The following ATF2 variants were observed in gnomAD, a reference collection of about 807,000 sequenced individuals.
The protein encoded by ATF2 is activating transcription factor 2, also known as cyclic AMP-dependent transcription factor ATF-2.
In ATF2, 24 loss-of-function variants were observed where a neutral mutation model predicts 60.6. The observed-to-expected ratio is 0.40, with a 90% CI of 0.29 to 0.56. The LOEUF is 0.56. Ranked by LOEUF, ATF2 falls within the 20% of genes least tolerant of loss-of-function variation. The pLI is 0.54. For missense variants in ATF2, 433 were observed against 607.7 expected (o/e 0.71, Z 3.02); for synonymous variants, 206 against 215.4 (o/e 0.96, Z 0.38).
chr2:175,119,733 TTAGTA>T (rs758836201), intron 5 of ATF2, among the ~76,000 whole-genome samples: 30 of 151,672 alleles, frequency 2.0e-4, no homozygotes, highest in Admixed American at 9.2e-4. Context: ...CATGACTAAA[TTAGTA>T]GGTCAAATCT....
intron 4 of ATF2, among the ~76,000 whole-genome samples, chr2:175,121,745 C>A (rs1211789045): frequency 1.3e-5 from 2 of 150,564 alleles, no homozygotes; most frequent in Admixed American, 6.7e-5. Context: ...CAAGAATAAG[C>A]AATACTGATA....
At chr2:175,101,257 A>T (rs1050581493) in intron 10 of ATF2, among the ~76,000 whole-genome samples, 1 of 152,194 alleles carries the variant, frequency 6.6e-6, no homozygotes, top group Non-Finnish European at 1.5e-5. Context: ...CCAGATAGGA[A>T]TACTTAGAAA....
chr2:175,133,269 T>G (rs1241846490), intron 3 of ATF2, among the ~76,000 whole-genome samples: 1 of 152,086 alleles, frequency 6.6e-6, no homozygotes, highest in African/African-American at 2.4e-5. Flanking sequence ...TTACAATAAT[T>G]AAGACACTGT....
chr2:175,149,497 C>T (rs562071530), intron 2 of ATF2, among the ~76,000 whole-genome samples: 1 of 152,284 alleles, frequency 6.6e-6, no homozygotes, highest in Non-Finnish European at 1.5e-5. Flanking sequence ...AGATGGGCAG[C>T]ACACTATGCA....
intron 13 of ATF2, among the ~76,000 whole-genome samples, chr2:175,077,260 A>G (rs1232126015): frequency 6.6e-6 from 1 of 152,100 alleles, no homozygotes; most frequent in African/African-American, 2.4e-5. Flanking sequence ...ATAAACATAC[A>G]TTTGCATGTG....
At chr2:175,156,498 G>C (rs568369540) in intron 1 of ATF2, among the ~76,000 whole-genome samples, 67 of 151,166 alleles carry the variant, frequency 4.4e-4, no homozygotes, top group Non-Finnish European at 9.1e-4. Flanking sequence ...TCTGGAGTCA[G>C]AGATTCAGCC....
At chr2:175,092,949 C>T (rs995838682) in intron 12 of ATF2, 112 bp downstream of exon 12, 21 of 1,072,134 alleles carry the variant, frequency 2.0e-5, no homozygotes, top group Middle Eastern at 4.5e-4. Flanking sequence ...AGATTCCATA[C>T]ACACCCAATA....
rs1574301547 is a variant in ATF2, at chr2:175,077,444, T to G, written c.1292-2609A>C. On this transcript the variant is annotated intron_variant, in intron 13 of 13. Transcript: ENST00000264110. The stretch of plus-strand genomic sequence containing the variant: ...GTAAAAGTGTTCCTATTTCTCCACA[T>G]CCTCTTCAGCACCTGTTGTTTCCTG... Among the ~76,000 whole-genome samples, 10 of 152,248 alleles carry G rather than the reference T, an allele frequency of 6.6e-5. No individual in the cohort carries two copies. The South Asian group carries it at 2.1e-3, about 32-fold the overall frequency.
At chr2:175,116,821 A>G (rs1696607818) in intron 7 of ATF2, among the ~76,000 whole-genome samples, 1 of 152,070 alleles carries the variant, frequency 6.6e-6, no homozygotes, top group South Asian at 2.1e-4. Context: ...GATTTGTATC[A>G]GAGATTTAAA....
intron 1 of ATF2, among the ~76,000 whole-genome samples, chr2:175,152,289 T>C (rs939235456): frequency 6.6e-6 from 1 of 152,068 alleles, no homozygotes; most frequent in Middle Eastern, 3.2e-3. Flanking sequence ...GGCTAATCTA[T>C]AGGTGACAAA....
chr2:175,113,654 T>C (rs572086789), intron 9 of ATF2, among the ~76,000 whole-genome samples: 8 of 152,004 alleles, frequency 5.3e-5, no homozygotes, highest in African/African-American at 1.4e-4. Context: ...TCCATACTAA[T>C]AGAAATACCA....
intron 12 of ATF2, among the ~76,000 whole-genome samples, chr2:175,091,707 AC>A (rs1435308813): frequency 2.6e-5 from 4 of 152,044 alleles, no homozygotes; most frequent in Admixed American, 2.6e-4. Flanking sequence ...TACTAAAAAT[AC>A]AAAAATTAGC....
At chr2:175,164,179 A>T (rs767787085) in intron 1 of ATF2, among the ~76,000 whole-genome samples, 19 of 149,422 alleles carry the variant, frequency 1.3e-4, no homozygotes, top group Non-Finnish European at 2.5e-4. Flanking sequence ...CATATAATGA[A>T]TACATATTTA....
chr2:175,159,603 G>A (rs1699893645), intron 1 of ATF2, among the ~76,000 whole-genome samples: 1 of 152,130 alleles, frequency 6.6e-6, no homozygotes, highest in African/African-American at 2.4e-5. Flanking sequence ...AACTTCTCCA[G>A]ACTGTATTAT....
intron 2 of ATF2, among the ~76,000 whole-genome samples, chr2:175,142,611 A>G (rs1698621856): frequency 6.6e-6 from 1 of 152,208 alleles, no homozygotes; most frequent in African/African-American, 2.4e-5. Flanking sequence ...GACAACATAT[A>G]GCAATTTCTG....
intron 5 of ATF2, among the ~76,000 whole-genome samples, chr2:175,120,756 C>T (rs1212747178): frequency 5.3e-5 from 8 of 151,418 alleles, no homozygotes; most frequent in Admixed American, 1.3e-4. Flanking sequence ...CAAAATTATA[C>T]ATGACATATA....
chr2:175,107,858 T>C (rs1322969193), intron 10 of ATF2, among the ~76,000 whole-genome samples: 1 of 152,212 alleles, frequency 6.6e-6, no homozygotes, highest in African/African-American at 2.4e-5. Flanking sequence ...CGGAGTCTCG[T>C]TCACTCAGTG....
intron 10 of ATF2, among the ~76,000 whole-genome samples, chr2:175,102,491 G>T (rs1383228426): frequency 6.6e-6 from 1 of 152,156 alleles, no homozygotes; most frequent in East Asian, 1.9e-4. Context: ...AAGATTTAAG[G>T]TGGGGTGTGA....
At chr2:175,163,439 G>A (rs941390172) in intron 1 of ATF2, among the ~76,000 whole-genome samples, 3 of 152,064 alleles carry the variant, frequency 2.0e-5, no homozygotes, top group East Asian at 1.9e-4. Context: ...GTCTTGTTGA[G>A]AATCTCTGTG....
Sources: gnomAD v4.1 joint callset for allele counts (sites outside exome capture counted in the v4.1 genomes callset) on GRCh38, gnomAD v4.1.1 for gene constraint, MANE v1.5 for transcripts, NCBI Gene and HGNC (gene_info 2026-07-23, HGNC 2026-07-21) for gene names.